The following FAM53B variants were observed in gnomAD, a reference collection of about 807,000 sequenced individuals.
FAM53B encodes the protein family with sequence similarity 53 member B.
A neutral mutation model predicts 32.7 loss-of-function variants in FAM53B; 12 were observed. That is an observed-to-expected ratio of 0.37 (90% CI 0.24 to 0.59). The LOEUF (loss-of-function observed/expected upper bound fraction) is 0.59, where lower values mean the gene tolerates loss of function less well. FAM53B is among the 20% of genes least tolerant of loss of function. The pLI is 0.72. For synonymous variants in FAM53B, 234 were observed against 228.7 expected, an observed-to-expected ratio of 1.02 and a Z score of -0.21; for missense variants, 477 against 577.7, an observed-to-expected ratio of 0.83 and a Z score of 1.79.
chr10:124,698,078 G>T (rs1347999906), intron 2 of FAM53B, among the ~76,000 whole-genome samples: 1 of 152,196 alleles, frequency 6.6e-6, no homozygotes, highest in Non-Finnish European at 1.5e-5. Flanking sequence ...CAGGCGCCCA[G>T]TTTGCAGGCT....
chr10:124,696,778 T>A (rs1320522796), intron 2 of FAM53B, among the ~76,000 whole-genome samples: 2 of 152,158 alleles, frequency 1.3e-5, no homozygotes, highest in Non-Finnish European at 2.9e-5. Flanking sequence ...CTTGAGGCAT[T>A]TTCTCTGAAC....
At chr10:124,721,069 G>A (rs1053363854) in intron 1 of FAM53B, among the ~76,000 whole-genome samples, 1 of 152,182 alleles carries the variant, frequency 6.6e-6, no homozygotes, top group Non-Finnish European at 1.5e-5. Flanking sequence ...GGGCATGGTG[G>A]TGCATGCCTG....
chr10:124,690,532 T>A (rs942418781), intron 3 of FAM53B, among the ~76,000 whole-genome samples: 11 of 152,188 alleles, frequency 7.2e-5, no homozygotes, highest in African/African-American at 2.7e-4. Context: ...CCCCTCCCCA[T>A]CAGGTGAGCC....
intron 4 of FAM53B, among the ~76,000 whole-genome samples, chr10:124,654,289 G>C (rs1022156089): frequency 6.6e-6 from 1 of 152,224 alleles, no homozygotes; most frequent in Non-Finnish European, 1.5e-5. Flanking sequence ...AAAGGACCTG[G>C]AGCCTAGGGC....
chr10:124,680,729 C>A (rs1294003976), intron 4 of FAM53B, among the ~76,000 whole-genome samples: 1 of 152,132 alleles, frequency 6.6e-6, no homozygotes, highest in Non-Finnish European at 1.5e-5. Flanking sequence ...ATAAATAAGT[C>A]CAGAAAAGAT....
intron 3 of FAM53B, among the ~76,000 whole-genome samples, chr10:124,687,319 C>T (rs2134072180): frequency 6.6e-6 from 1 of 151,888 alleles, no homozygotes; most frequent in East Asian, 1.9e-4. Flanking sequence ...TCTGCACAAA[C>T]AACTATAACT....
chr10:124,623,094 C>A lies in FAM53B; in HGVS notation c.*148G>T. The A allele has an allele frequency of 9.5e-7, 1 of 1,049,872 alleles. No homozygotes were observed. The highest frequency in any genetic ancestry group is 1.4e-6 in the Non-Finnish European group (1 of 733,022). The allele number at this position is 1,049,872 out of a possible 1,614,324, so 65.0% of individuals were successfully genotyped here. A position where few individuals can be genotyped will look rare whatever the true frequency, so the allele number is the denominator to read the frequency against. ...CCAGGCCAGGCTCTCCCCCAGGCAG[C>A]AGGTGGGCTCCCTCTCTGGGACCCG... On this transcript the variant is annotated 3_prime_UTR_variant, in exon 5 of 5. Transcript: ENST00000337318.
intron 4 of FAM53B, among the ~76,000 whole-genome samples, chr10:124,626,388 G>GCCCC (rs34542605): frequency 2.4e-4 from 24 of 101,806 alleles, no homozygotes; most frequent in East Asian, 9.5e-4. Context: ...CGAAATTTGT[G>GCCCC]CCCCCCCCCC....
At chr10:124,666,856 G>C (rs1211706689) in intron 4 of FAM53B, among the ~76,000 whole-genome samples, 2 of 152,192 alleles carry the variant, frequency 1.3e-5, no homozygotes, top group Admixed American at 6.5e-5. Flanking sequence ...GGCACCAGAC[G>C]CTCTGGTCCT....
rs545727556 is a variant in FAM53B, at chr10:124,696,125, A to AG, written c.133+32dup. The AG allele has an allele frequency of 1.6e-4, 248 of 1,587,236 alleles. 1 individual carries two copies. In the South Asian group the frequency reaches 2.6e-3, roughly 17 times the overall value. ...TCAGACCCTGGCTGGAAGGACTAGGAGGACAGCTTCCAGGATGGCCTTGAG... is the reference window on the plus strand; with the variant it reads ...TCAGACCCTGGCTGGAAGGACTAGGAGGGACAGCTTCCAGGATGGCCTTGAG... On this transcript the variant is annotated intron_variant, in intron 3 of 4. Transcript: ENST00000337318.
chr10:124,636,902 G>A (rs966044556), intron 4 of FAM53B, among the ~76,000 whole-genome samples: 21 of 151,836 alleles, frequency 1.4e-4, no homozygotes, highest in Admixed American at 1.1e-3. Context: ...ATGCAGAGGC[G>A]GAGTTCCCAG....
At chr10:124,654,902 C>T (rs577796494) in intron 4 of FAM53B, among the ~76,000 whole-genome samples, 2 of 152,168 alleles carry the variant, frequency 1.3e-5, no homozygotes, top group Non-Finnish European at 2.9e-5. Context: ...CACACCAGGC[C>T]CCTCGGGCTC....
chr10:124,712,363 AATT>A (rs1008898440), intron 1 of FAM53B, among the ~76,000 whole-genome samples: 1 of 152,070 alleles, frequency 6.6e-6, no homozygotes, highest in East Asian at 1.9e-4. Flanking sequence ...CTCAAAAAAT[AATT>A]ATTATTATTA....
intron 2 of FAM53B, among the ~76,000 whole-genome samples, chr10:124,700,182 C>T (rs1431088263): frequency 6.6e-6 from 1 of 152,240 alleles, no homozygotes; most frequent in Non-Finnish European, 1.5e-5. Flanking sequence ...TGGTCCAACT[C>T]CACATGGGCA....
At position 124,719,022 on chromosome 10, in the gene FAM53B, G is replaced by C. The variant is rs562174960; in HGVS notation, c.-174-12135C>G. Reference sequence around the variant, plus strand: ...ACTTCACTACAGCTTAAGTGACAGAGAAAGATCCTGTCTCACAAAAAAAAT... The same window carrying C: ...ACTTCACTACAGCTTAAGTGACAGACAAAGATCCTGTCTCACAAAAAAAAT... On this transcript the variant is annotated intron_variant, in intron 1 of 4. Transcript: ENST00000337318. 1.1e-3 allele frequency among the ~76,000 whole-genome samples: 167 copies of C among 149,134 alleles called. 1 individual carries two copies. The highest frequency in any genetic ancestry group is 3.7e-3 in the African/African-American group (151 of 40,774).
intron 4 of FAM53B, among the ~76,000 whole-genome samples, chr10:124,629,084 GTAC>G (rs1326405223): frequency 4.6e-5 from 7 of 152,250 alleles, no homozygotes; most frequent in Non-Finnish European, 1.5e-5. Context: ...CTGCTTCTTA[GTAC>G]TACTATTCTT....
chr10:124,741,747 C>T (rs1950201298), intron 1 of FAM53B, among the ~76,000 whole-genome samples: 1 of 152,206 alleles, frequency 6.6e-6, no homozygotes, highest in African/African-American at 2.4e-5. Context: ...GTCAATTAAG[C>T]GTAACCACCA....
intron 1 of FAM53B, among the ~76,000 whole-genome samples, chr10:124,735,343 G>A (rs973258456): frequency 6.6e-6 from 1 of 152,170 alleles, no homozygotes; most frequent in African/African-American, 2.4e-5. Flanking sequence ...TCTATGCTTA[G>A]GAGCAAAAGT....
intron 2 of FAM53B, among the ~76,000 whole-genome samples, chr10:124,698,184 A>C (rs935737829): frequency 1.1e-4 from 17 of 152,098 alleles, no homozygotes; most frequent in African/African-American, 4.1e-4. Flanking sequence ...CCCCTGGGGA[A>C]CCCCGGCCCC....
Sources: gnomAD v4.1 joint callset for allele counts (sites outside exome capture counted in the v4.1 genomes callset) on GRCh38, gnomAD v4.1.1 for gene constraint, MANE v1.5 for transcripts, NCBI Gene and HGNC (gene_info 2026-07-23, HGNC 2026-07-21) for gene names.